OR2L13: variants seen among roughly 807,000 people sequenced by gnomAD.
OR2L13 encodes the protein olfactory receptor 2L13.
OR2L13 carries 14 observed loss-of-function variants against 15.3 expected under a neutral mutation model. That is an observed-to-expected ratio of 0.91 (90% CI 0.60 to 1.43). OR2L13 has a LOEUF of 1.43. Ranked by LOEUF, OR2L13 falls within the 40% of genes most tolerant of loss-of-function variation. The pLI, the probability that OR2L13 is intolerant of heterozygous loss-of-function variation, is 0.00. For synonymous variants in OR2L13, 152 were observed against 142.9 expected (o/e 1.06, Z -0.45); for missense variants, 367 against 387.9 (o/e 0.95, Z 0.45).
At chr1:248,088,794 G>T in the OR2L13 span, among the ~76,000 whole-genome samples, 1 of 152,038 alleles carries the variant, frequency 6.6e-6, no homozygotes, top group South Asian at 2.1e-4. Context: ...CTGTGAAGTT[G>T]TTTTGTCAAG....
chr1:248,099,625 T>A, exon 3 of OR2L13: 1 of 1,614,110 alleles, frequency 6.2e-7, no homozygotes, highest in Non-Finnish European at 8.5e-7. Context: ...GGCGTACAAC[T>A]TCCTGTCCGG....
chr1:248,099,453 C>T (rs1161914661), exon 3 of OR2L13: 1 of 1,613,832 alleles, frequency 6.2e-7, no homozygotes, highest in Non-Finnish European at 8.5e-7. Flanking sequence ...GAATATTTCT[C>T]TTGTGCCTTA....
At chr1:248,062,018 A>G in the OR2L13 span, 1 of 163,600 alleles carries the variant, frequency 6.1e-6, no homozygotes. Flanking sequence ...AACAAAAAAT[A>G]AGTCTCTTGA....
upstream of OR2L13, among the ~76,000 whole-genome samples, chr1:248,093,488 A>G (rs185602263): frequency 6.6e-6 from 1 of 152,314 alleles, no homozygotes; most frequent in Non-Finnish European, 1.5e-5. Flanking sequence ...TGCAGCAGGG[A>G]AAAACATAGA....
upstream of OR2L13, among the ~76,000 whole-genome samples, chr1:248,091,365 A>G (rs146575820): frequency 1.3e-5 from 2 of 152,228 alleles, no homozygotes; most frequent in African/African-American, 4.8e-5. Flanking sequence ...GCCAGGTCCT[A>G]TGTCCAGAAT....
At chr1:247,978,689 G>A in the OR2L13 span, among the ~76,000 whole-genome samples, 10 of 152,092 alleles carry the variant, frequency 6.6e-5, no homozygotes. Flanking sequence ...GGTTTCTACT[G>A]AGGAAGTGTG....
chr1:248,039,826 T>C, the OR2L13 span: 1 of 152,216 alleles, frequency 6.6e-6, no homozygotes, highest in African/African-American at 2.4e-5. Context: ...TCAACTGGTA[T>C]GTATGTCTTC....
chr1:247,980,949 T>G, the OR2L13 span: 1 of 152,190 alleles, frequency 6.6e-6, no homozygotes, highest in African/African-American at 2.4e-5. Flanking sequence ...CTAATTATAT[T>G]TGTATTTTAA....
the OR2L13 span, among the ~76,000 whole-genome samples, chr1:247,972,517 G>T: frequency 6.6e-6 from 1 of 152,136 alleles, no homozygotes; most frequent in Non-Finnish European, 1.5e-5. Flanking sequence ...AAACCCGGAA[G>T]AAATGGATAA....
the OR2L13 span, chr1:248,004,020 TGGG>T: frequency 6.2e-7 from 1 of 1,613,412 alleles, no homozygotes; most frequent in Non-Finnish European, 8.5e-7. Context: ...AAGGAGGTGA[TGGG>T]GGCCCTGACA....
At chr1:247,994,970 G>A in the OR2L13 span, among the ~76,000 whole-genome samples, 1 of 152,084 alleles carries the variant, frequency 6.6e-6, no homozygotes, top group African/African-American at 2.4e-5. Context: ...ACTTTCCTTA[G>A]TATGGTATGT....
chr1:247,994,822 A>G, the OR2L13 span, among the ~76,000 whole-genome samples: 1 of 152,260 alleles, frequency 6.6e-6, no homozygotes, highest in Non-Finnish European at 1.5e-5. Flanking sequence ...CAATATGTAT[A>G]TGAATGTCAA....
chr1:248,038,432 C>T, the OR2L13 span: 1 of 1,613,714 alleles, frequency 6.2e-7, no homozygotes, highest in African/African-American at 1.3e-5. Context: ...TCCATCTCCA[C>T]ACACCTATGT....
chr1:248,040,633 C>CT, the OR2L13 span: 1 of 152,100 alleles, frequency 6.6e-6, no homozygotes, highest in African/African-American at 2.4e-5. Flanking sequence ...ATAAGATATT[C>CT]TTTTTTAGCT....
At chr1:248,004,114 T>C in the OR2L13 span, 138 of 1,465,152 alleles carry the variant, frequency 9.4e-5, 1 homozygote, top group African/African-American at 1.5e-4. Flanking sequence ...ACACATCCAT[T>C]CAGCAGTGTA....
chr1:248,089,198 T>G, the OR2L13 span, among the ~76,000 whole-genome samples: 1 of 152,140 alleles, frequency 6.6e-6, no homozygotes, highest in African/African-American at 2.4e-5. Flanking sequence ...CCCTTGCTAT[T>G]ATAGTTTATT....
At chr1:248,071,429 C>A in the OR2L13 span, among the ~76,000 whole-genome samples, 12 of 152,136 alleles carry the variant, frequency 7.9e-5, no homozygotes, top group Non-Finnish European at 1.5e-4. Flanking sequence ...TTCAACAACT[C>A]TTCATGCTAA....
chr1:247,946,684 A>G, the OR2L13 span, among the ~76,000 whole-genome samples: 1 of 152,160 alleles, frequency 6.6e-6, no homozygotes, highest in Non-Finnish European at 1.5e-5. Context: ...CCCAAATAGC[A>G]TTCCTTGACC....
chr1:247,976,483 A>G, the OR2L13 span, among the ~76,000 whole-genome samples: 1 of 152,216 alleles, frequency 6.6e-6, no homozygotes, highest in African/African-American at 2.4e-5. Context: ...AAAATTTGCT[A>G]AGAGAATGGG....
Sources: allele counts gnomAD v4.1 joint callset (sites outside exome capture counted in the v4.1 genomes callset), GRCh38; gene constraint gnomAD v4.1.1; transcripts MANE v1.5; gene names NCBI Gene and HGNC (gene_info 2026-07-23, HGNC 2026-07-21).